Variants in CSGALNACT1 observed in about 807,000 individuals in gnomAD.
CSGALNACT1 encodes beta4GalNAcT-1.
A neutral mutation model predicts 51.0 loss-of-function variants in CSGALNACT1; 52 were observed. The observed-to-expected ratio is 1.02, with a 90% CI of 0.82 to 1.29. The LOEUF (loss-of-function observed/expected upper bound fraction) is 1.29, where lower values mean the gene tolerates loss of function less well. Among genes scored for constraint, CSGALNACT1 ranks in the 50% most tolerant of loss-of-function variants. The probability of loss-of-function intolerance (pLI) is 0.00; values close to 1 mark genes in which losing one functional copy is unlikely to be tolerated. For synonymous variants in CSGALNACT1, 341 were observed against 254.4 expected (o/e 1.34, Z -3.24); for missense variants, 935 against 679.2 (o/e 1.38, Z -4.19).
intron 3 of CSGALNACT1, among the ~76,000 whole-genome samples, chr8:19,569,918 G>C (rs1450122416): frequency 6.6e-6 from 1 of 152,116 alleles, no homozygotes; most frequent in Non-Finnish European, 1.5e-5. Context: ...ATCAATCTCA[G>C]AGACACAATT....
chr8:19,448,442 T>C (rs899181269), intron 5 of CSGALNACT1, among the ~76,000 whole-genome samples: 5 of 152,146 alleles, frequency 3.3e-5, no homozygotes, highest in East Asian at 3.8e-4. Context: ...CCCAAGCAAA[T>C]TGGGACAACT....
chr8:19,441,606 C>G (rs139832919), intron 5 of CSGALNACT1, among the ~76,000 whole-genome samples: 3,493 of 152,212 alleles, frequency 0.023, 143 homozygotes, highest in African/African-American at 0.079. Context: ...GACCTAAAAC[C>G]ATAAAAACCC....
chr8:19,629,722 C>T (rs567474488), intron 1 of CSGALNACT1, among the ~76,000 whole-genome samples: 1 of 152,322 alleles, frequency 6.6e-6, no homozygotes, highest in Admixed American at 6.5e-5. Flanking sequence ...ATGCTACTAA[C>T]CTGATTTGAC....
intron 4 of CSGALNACT1, among the ~76,000 whole-genome samples, chr8:19,463,237 G>T (rs1377711078): frequency 3.3e-5 from 5 of 152,084 alleles, no homozygotes; most frequent in African/African-American, 1.2e-4. Context: ...TGGGCATCTA[G>T]GTTGATTCTA....
intron 8 of CSGALNACT1, among the ~76,000 whole-genome samples, chr8:19,415,900 C>G (rs969369712): frequency 6.6e-6 from 1 of 152,150 alleles, no homozygotes; most frequent in Non-Finnish European, 1.5e-5. Flanking sequence ...AACGACACAA[C>G]TGTAAGCATA....
At chr8:19,427,371 G>T (rs2058927358) in intron 6 of CSGALNACT1, among the ~76,000 whole-genome samples, 1 of 152,188 alleles carries the variant, frequency 6.6e-6, no homozygotes. Flanking sequence ...TTGTTTGCTT[G>T]TGTTTTGAAT....
intron 6 of CSGALNACT1, among the ~76,000 whole-genome samples, chr8:19,436,031 T>C (rs1411072340): frequency 6.6e-6 from 1 of 152,170 alleles, no homozygotes; most frequent in East Asian, 1.9e-4. Flanking sequence ...CACAACCCTC[T>C]AATAAATCAC....
At chr8:19,505,324 G>A in exon 4 of CSGALNACT1, 2 of 1,614,152 alleles carry the variant, frequency 1.2e-6, no homozygotes, top group Non-Finnish European at 8.5e-7. Context: ...TTCCTCACAG[G>A]CTTCTCCTCG....
At chr8:19,552,861 A>C (rs551512146) in intron 3 of CSGALNACT1, among the ~76,000 whole-genome samples, 4 of 152,182 alleles carry the variant, frequency 2.6e-5, no homozygotes, top group African/African-American at 9.7e-5. Flanking sequence ...AGTGAACTGC[A>C]AACAGGTACT....
At chr8:19,555,664 T>A (rs552507579) in intron 3 of CSGALNACT1, among the ~76,000 whole-genome samples, 1 of 152,328 alleles carries the variant, frequency 6.6e-6, no homozygotes, top group Non-Finnish European at 1.5e-5. Flanking sequence ...TGCTCCCAAC[T>A]ATACATCTTC....
intron 1 of CSGALNACT1, among the ~76,000 whole-genome samples, chr8:19,641,402 C>T (rs2056733872): frequency 6.6e-6 from 1 of 152,130 alleles, no homozygotes; most frequent in Non-Finnish European, 1.5e-5. Flanking sequence ...GAGGCTGCTG[C>T]TGAGACTTGG....
intron 4 of CSGALNACT1, among the ~76,000 whole-genome samples, chr8:19,471,402 C>A (rs1398634760): frequency 6.6e-6 from 1 of 152,112 alleles, no homozygotes; most frequent in Non-Finnish European, 1.5e-5. Flanking sequence ...GCTCTCTTTT[C>A]TCTCTTGGAC....
At chr8:19,706,121 A>G (rs2062149624) in intron 1 of CSGALNACT1, among the ~76,000 whole-genome samples, 1 of 152,180 alleles carries the variant, frequency 6.6e-6, no homozygotes, top group Admixed American at 6.5e-5. Flanking sequence ...GGCCCTTACA[A>G]AGCAAATAGC....
intron 3 of CSGALNACT1, among the ~76,000 whole-genome samples, chr8:19,571,284 A>G (rs1334198458): frequency 6.6e-6 from 1 of 152,098 alleles, no homozygotes; most frequent in Non-Finnish European, 1.5e-5. Flanking sequence ...CGATATAACT[A>G]AGACACTCAT....
intron 5 of CSGALNACT1, among the ~76,000 whole-genome samples, chr8:19,447,775 G>A (rs538287233): frequency 6.6e-6 from 1 of 152,318 alleles, no homozygotes; most frequent in African/African-American, 2.4e-5. Context: ...TTGTCAAAGT[G>A]ATGCACACCC....
chr8:19,694,975 C>T (rs181989604), intron 1 of CSGALNACT1, among the ~76,000 whole-genome samples: 73 of 152,272 alleles, frequency 4.8e-4, no homozygotes, highest in African/African-American at 1.7e-3. Context: ...CAACAAGCCC[C>T]GGAGACAGAT....
chr8:19,412,122 C>G (rs373874134), intron 8 of CSGALNACT1, among the ~76,000 whole-genome samples: 1 of 152,170 alleles, frequency 6.6e-6, no homozygotes, highest in African/African-American at 2.4e-5. Context: ...CATGGGCCAC[C>G]GCACCCAGCC....
chr8:19,571,321 C>G (rs2042976957), intron 3 of CSGALNACT1, among the ~76,000 whole-genome samples: 1 of 152,096 alleles, frequency 6.6e-6, no homozygotes, highest in Admixed American at 6.6e-5. Context: ...CCTACAGGAG[C>G]TAGTCCCTAC....
chr8:19,709,082 C>T (rs1270737299), intron 1 of CSGALNACT1, among the ~76,000 whole-genome samples: 2 of 152,070 alleles, frequency 1.3e-5, no homozygotes, highest in African/African-American at 2.4e-5. Flanking sequence ...TATTATTACT[C>T]ATTTGGAGAT....
Sources: gnomAD v4.1 joint callset for allele counts (sites outside exome capture counted in the v4.1 genomes callset) on GRCh38, gnomAD v4.1.1 for gene constraint, MANE v1.5 for transcripts, NCBI Gene and HGNC (gene_info 2026-07-23, HGNC 2026-07-21) for gene names.